The following RBM20 variants were observed in gnomAD, a reference collection of about 807,000 sequenced individuals.
RBM20 encodes RNA-binding protein 20.
A neutral mutation model predicts 110.1 loss-of-function variants in RBM20; 51 were observed. The observed-to-expected ratio is 0.46, with a 90% CI of 0.37 to 0.59. RBM20 has a LOEUF of 0.59. Among genes scored for constraint, RBM20 ranks in the 20% least tolerant of loss-of-function variants. RBM20 has a pLI of 0.00. For missense variants in RBM20, 1,512 were observed against 1,574.9 expected (o/e 0.96, Z 0.68); for synonymous variants, 589 against 618.2 (o/e 0.95, Z 0.70).
In RBM20 at chr10:110,752,945, A is replaced by ATTT. The variant is rs71492062; in HGVS notation, c.192-27844_192-27842dup. On this transcript the variant is annotated intron_variant, in intron 1 of 13. Transcript: ENST00000369519. ...CATATATATATATATATATATATAT[A>ATTT]TTTTTTTTTTTTTTATGAAGTCTCC... is the stretch of plus-strand genomic sequence containing the variant. 4.3e-3 allele frequency among the ~76,000 whole-genome samples: 463 copies of ATTT among 108,940 alleles called. 13 individuals are homozygous for ATTT. Among genetic ancestry groups the ATTT allele is most frequent in the Middle Eastern group, 5.6e-3 (1 of 180 alleles). The allele number at this position is 108,940 out of a possible 152,430, so 71.5% of individuals were successfully genotyped here. A position where few individuals can be genotyped will look rare whatever the true frequency, so the allele number is the denominator to read the frequency against.
At chr10:110,826,176 G>T (rs1312937901) in intron 12 of RBM20, among the ~76,000 whole-genome samples, 2 of 152,126 alleles carry the variant, frequency 1.3e-5, no homozygotes, top group Admixed American at 1.3e-4. Context: ...CCTCCCATTG[G>T]ATTTTATCAG....
At chr10:110,768,475 C>A (rs1339501811) in intron 1 of RBM20, among the ~76,000 whole-genome samples, 1 of 152,126 alleles carries the variant, frequency 6.6e-6, no homozygotes, top group Non-Finnish European at 1.5e-5. Flanking sequence ...TATAAAGCCC[C>A]AATCTTAATG....
At chr10:110,691,533 G>A (rs973474594) in intron 1 of RBM20, among the ~76,000 whole-genome samples, 9 of 152,172 alleles carry the variant, frequency 5.9e-5, no homozygotes, top group African/African-American at 2.2e-4. Context: ...TGACCAATGA[G>A]GTTGAGCATC....
At chr10:110,824,109 C>A (rs1343425677) in intron 12 of RBM20, among the ~76,000 whole-genome samples, 2 of 152,054 alleles carry the variant, frequency 1.3e-5, no homozygotes, top group African/African-American at 2.4e-5. Context: ...TTTCAGTCTC[C>A]CGTAATAGAC....
intron 1 of RBM20, among the ~76,000 whole-genome samples, chr10:110,770,116 A>G (rs1294072855): frequency 1.3e-5 from 2 of 152,158 alleles, no homozygotes; most frequent in Non-Finnish European, 2.9e-5. Flanking sequence ...GACTTGTTAG[A>G]AATGTACATG....
intron 1 of RBM20, among the ~76,000 whole-genome samples, chr10:110,764,634 T>C (rs1282238966): frequency 6.6e-6 from 1 of 152,188 alleles, no homozygotes; most frequent in Admixed American, 6.5e-5. Flanking sequence ...CTCGCTTGCA[T>C]ACCCCCTCCG....
At chr10:110,748,567 G>T (rs1411817159) in intron 1 of RBM20, among the ~76,000 whole-genome samples, 1 of 152,174 alleles carries the variant, frequency 6.6e-6, no homozygotes, top group Non-Finnish European at 1.5e-5. Context: ...ATGTAGAGAT[G>T]TAGGGGGTAG....
intron 1 of RBM20, among the ~76,000 whole-genome samples, chr10:110,680,212 A>G (rs1167595013): frequency 6.6e-6 from 1 of 151,942 alleles, no homozygotes; most frequent in Non-Finnish European, 1.5e-5. Context: ...CGGAAGTTCA[A>G]GTTTGGAGTG....
Position 110,812,465 on chromosome 10 carries a change from C to A in RBM20, c.2068C>A (p.Pro690Thr). Residue 690 changes from proline (P) to threonine (T), a missense_variant, in exon 9 of 14, where the codon CCG becomes ACG. Around this residue, in one of 3 missense-constraint regions of RBM20, gnomAD observed 1,149 missense variants for 1,169.4 expected, o/e 0.98. Transcript: ENST00000369519. The part of the protein sequence containing the change: ...PYARREEERD[P>T]APWRDNGDDK... Reference sequence around the variant, plus strand: ...TGCCAGGAGGGAGGAAGAGCGAGACCCGGCTCCCTGGAGGGACAACGGAGA... The same window carrying A: ...TGCCAGGAGGGAGGAAGAGCGAGACACGGCTCCCTGGAGGGACAACGGAGA... 6.4e-7 allele frequency: 1 copy of A among 1,551,660 alleles called. No individual in the cohort carries two copies. Among genetic ancestry groups the A allele is most frequent in the Non-Finnish European group, 8.7e-7 (1 of 1,146,980 alleles).
chr10:110,791,553 A>ATTC (rs1844484081), intron 5 of RBM20, among the ~76,000 whole-genome samples: 1 of 152,206 alleles, frequency 6.6e-6, no homozygotes, highest in African/African-American at 2.4e-5. Flanking sequence ...GGGCAATGAA[A>ATTC]GGTCTTAGAA....
At chr10:110,703,800 CG>C (rs1270054161) in intron 1 of RBM20, among the ~76,000 whole-genome samples, 1 of 152,156 alleles carries the variant, frequency 6.6e-6, no homozygotes, top group Non-Finnish European at 1.5e-5. Context: ...AAAATTTTGT[CG>C]TTTTTAAAAT....
intron 1 of RBM20, among the ~76,000 whole-genome samples, chr10:110,661,782 G>T (rs1862106446): frequency 6.6e-6 from 1 of 152,136 alleles, no homozygotes; most frequent in South Asian, 2.1e-4. Context: ...GGCCGAGGTG[G>T]GTGGATCACC....
chr10:110,817,270 C>T (rs370981964), intron 9 of RBM20, among the ~76,000 whole-genome samples: 7 of 152,208 alleles, frequency 4.6e-5, no homozygotes, highest in African/African-American at 9.6e-5. Context: ...ACGCATGCCA[C>T]GCTGTCAAAT....
At chr10:110,776,219 T>A (rs1844262024) in intron 1 of RBM20, among the ~76,000 whole-genome samples, 2 of 152,144 alleles carry the variant, frequency 1.3e-5, no homozygotes, top group South Asian at 4.1e-4. Context: ...TCTGGGGGGA[T>A]CAATTCATAC....
chr10:110,703,374 G>T (rs1215639711), intron 1 of RBM20, among the ~76,000 whole-genome samples: 7 of 148,494 alleles, frequency 4.7e-5, no homozygotes, highest in Non-Finnish European at 7.4e-5. Context: ...GTGAAACTCT[G>T]TCTCAAAAAA....
At chr10:110,831,419 C>T in intron 13 of RBM20, 1 of 437,220 alleles carries the variant, frequency 2.3e-6, no homozygotes, top group East Asian at 3.7e-5. Context: ...TTGATTCCAT[C>T]AGGCTGCTCT....
At chr10:110,830,760 G>C (rs184109412) in intron 12 of RBM20, among the ~76,000 whole-genome samples, 1 of 152,244 alleles carries the variant, frequency 6.6e-6, no homozygotes, top group African/African-American at 2.4e-5. Flanking sequence ...GTTCTTGGAA[G>C]GAGGCTGATA....
intron 5 of RBM20, among the ~76,000 whole-genome samples, chr10:110,788,982 C>T (rs1003700817): frequency 1.3e-5 from 2 of 152,222 alleles, no homozygotes; most frequent in Admixed American, 6.5e-5. Flanking sequence ...TGAAATTCCC[C>T]GGTTGTCTCC....
intron 1 of RBM20, among the ~76,000 whole-genome samples, chr10:110,672,743 G>C (rs533110154): frequency 1.1e-4 from 17 of 152,348 alleles, no homozygotes; most frequent in African/African-American, 4.1e-4. Context: ...GTGCTAGGTT[G>C]TACCGTGGAC....
Sources: allele counts gnomAD v4.1 joint callset (sites outside exome capture counted in the v4.1 genomes callset), GRCh38; gene constraint gnomAD v4.1.1; regional missense constraint gnomAD v4.1.1; transcripts MANE v1.5; gene names NCBI Gene and HGNC (gene_info 2026-07-23, HGNC 2026-07-21).